PLEKHG1: variants seen among roughly 807,000 people sequenced by gnomAD.
The protein encoded by PLEKHG1 is pleckstrin homology domain-containing family G member 1.
In PLEKHG1, 44 loss-of-function variants were observed where a neutral mutation model predicts 100.8. The observed-to-expected ratio is 0.44, with a 90% CI of 0.34 to 0.56. The LOEUF is 0.56. Among genes scored for constraint, PLEKHG1 ranks in the 20% least tolerant of loss-of-function variants. PLEKHG1 has a pLI of 0.01. For synonymous variants in PLEKHG1, 640 were observed against 662.5 expected (o/e 0.97, Z 0.52); for missense variants, 1,545 against 1,720.9 (o/e 0.90, Z 1.81).
intron 2 of PLEKHG1, among the ~76,000 whole-genome samples, chr6:150,740,129 G>C (rs1405875504): frequency 6.6e-6 from 1 of 152,252 alleles, no homozygotes; most frequent in Non-Finnish European, 1.5e-5. Context: ...ACTCTGCCTG[G>C]ACACTTAGCT....
At chr6:150,605,363 T>C (rs2047001) in intron 1 of PLEKHG1, among the ~76,000 whole-genome samples, 111,926 of 152,146 alleles carry the variant, frequency 0.74, 41,714 homozygotes, top group Non-Finnish European at 0.8. Context: ...TAGTTCTTTG[T>C]TTTCCCACTT....
At chr6:150,807,824 C>T (rs1030309227) in intron 7 of PLEKHG1, among the ~76,000 whole-genome samples, 3 of 152,050 alleles carry the variant, frequency 2.0e-5, no homozygotes, top group African/African-American at 7.2e-5. Context: ...CAAAAATTAA[C>T]CAGGCATGGT....
At chr6:150,807,899 G>A (rs973532726) in intron 7 of PLEKHG1, among the ~76,000 whole-genome samples, 3 of 152,106 alleles carry the variant, frequency 2.0e-5, no homozygotes, top group Non-Finnish European at 4.4e-5. Context: ...AACCCAGGAG[G>A]GAGAGGTTGC....
intron 1 of PLEKHG1, among the ~76,000 whole-genome samples, chr6:150,618,758 G>GT (rs1777170686): frequency 1.3e-5 from 2 of 152,136 alleles, no homozygotes; most frequent in African/African-American, 4.8e-5. Context: ...GCTGGCTCTT[G>GT]TGAGTTGGTA....
rs940688864 is a variant in PLEKHG1, at chr6:150,683,030, G to A, written c.-99+32244G>A. 9.9e-5 allele frequency among the ~76,000 whole-genome samples: 15 copies of A among 152,256 alleles called. No individual in the cohort carries two copies. The highest frequency in any genetic ancestry group is 4.8e-5 in the African/African-American group (2 of 41,530). Reference sequence around the variant, plus strand: ...TGTCATACTTAATGCTGATGGCTTCGTGCGCATCTTAACAGTTGACAACTA... The same window carrying A: ...TGTCATACTTAATGCTGATGGCTTCATGCGCATCTTAACAGTTGACAACTA... On this transcript the variant is annotated intron_variant, in intron 3 of 3. Transcript: ENST00000367326. The surrounding 1 kb of genome is among the most constrained non-coding windows in gnomAD (Gnocchi z 4.0).
chr6:150,649,956 A>G (rs552166798), intron 2 of PLEKHG1, among the ~76,000 whole-genome samples: 280 of 152,046 alleles, frequency 1.8e-3, no homozygotes, highest in African/African-American at 5.7e-3. Flanking sequence ...AGCTTGCAGT[A>G]AGCCGAGATG....
At chr6:150,767,456 T>C (rs1562500473) in intron 2 of PLEKHG1, among the ~76,000 whole-genome samples, 1 of 152,236 alleles carries the variant, frequency 6.6e-6, no homozygotes, top group Non-Finnish European at 1.5e-5. Context: ...GATTTTAGTA[T>C]GAAAGCACTA....
At position 150,832,282 on chromosome 6, in the gene PLEKHG1, C is replaced by T. The variant is rs41289349; in HGVS notation, c.3094+77C>T. On this transcript the variant is annotated intron_variant, in intron 15 of 15. Coordinates refer to ENST00000358517, the Ensembl canonical transcript of PLEKHG1. ...TTTCAGATTTCAGATGTCCTTAAAACGGACACACCTGTGAGAACACTGACA... is the reference window on the plus strand; with the variant it reads ...TTTCAGATTTCAGATGTCCTTAAAATGGACACACCTGTGAGAACACTGACA... 10,530 of 1,198,144 alleles carry T rather than the reference C, an allele frequency of 8.8e-3. 72 individuals carry two copies. The highest frequency in any genetic ancestry group is 0.011 in the Non-Finnish European group (9,591 of 859,838). The allele number at this position is 1,198,144 out of a possible 1,614,324, so 74.2% of individuals were successfully genotyped here.
intron 3 of PLEKHG1, among the ~76,000 whole-genome samples, chr6:150,782,384 A>G (rs758835377): frequency 4.6e-5 from 7 of 152,068 alleles, no homozygotes; most frequent in Non-Finnish European, 1.0e-4. Context: ...GCAGAGCGAG[A>G]CTCTGTCTCA....
chr6:150,621,134 T>A (rs1777282838), intron 1 of PLEKHG1, among the ~76,000 whole-genome samples: 2 of 152,256 alleles, frequency 1.3e-5, no homozygotes, highest in Middle Eastern at 3.4e-3. Context: ...ACTGGCAATG[T>A]GCTTAGAGTG....
intron 15 of PLEKHG1, among the ~76,000 whole-genome samples, chr6:150,834,975 C>A (rs1777147646): frequency 6.6e-6 from 1 of 152,146 alleles, no homozygotes; most frequent in African/African-American, 2.4e-5. Context: ...TATCTGGGCA[C>A]AGGACGTCGT....
chr6:150,651,372 A>T (rs1001945470), intron 3 of PLEKHG1, among the ~76,000 whole-genome samples: 2 of 151,948 alleles, frequency 1.3e-5, no homozygotes, highest in East Asian at 2.0e-4. Flanking sequence ...TAGTTGGGAT[A>T]ACAGGCACGC....
At chr6:150,669,660 G>A (rs1337797354) in intron 3 of PLEKHG1, among the ~76,000 whole-genome samples, 1 of 148,300 alleles carries the variant, frequency 6.7e-6, no homozygotes, top group African/African-American at 2.5e-5. Flanking sequence ...GCAGTTGCGC[G>A]ATCATGCCTC....
intron 3 of PLEKHG1, among the ~76,000 whole-genome samples, chr6:150,688,315 G>GT (rs58023452): frequency 4.9e-4 from 73 of 147,902 alleles, no homozygotes; most frequent in East Asian, 9.9e-4. Context: ...TTCTTCCTTT[G>GT]TTTTTTTTTT....
At chr6:150,835,408 A>G (rs1381234572) in intron 15 of PLEKHG1, among the ~76,000 whole-genome samples, 1 of 152,162 alleles carries the variant, frequency 6.6e-6, no homozygotes, top group African/African-American at 2.4e-5. Context: ...CATCAGAAAC[A>G]TTTATTTTAA....
rs1166400278 is a variant in PLEKHG1, at chr6:150,600,179, A to G, written c.-204+162A>G. 1.3e-5 allele frequency among the ~76,000 whole-genome samples: 2 copies of G among 149,900 alleles called. No homozygotes were observed. The highest frequency in any genetic ancestry group is 6.6e-5 in the Admixed American group (1 of 15,154). On this transcript the variant is annotated intron_variant, in intron 1 of 3. Coordinates refer to the PLEKHG1 transcript ENST00000367326. This position sits in a 1 kb window ranked among gnomAD's most constrained non-coding sequence, Gnocchi z 6.2. ...GCGCGCCCCTCCGCAGTGGGGACGGAGGGCCTTGGGGGGCGCCGAGCGGTG... is the reference window on the plus strand; with the variant it reads ...GCGCGCCCCTCCGCAGTGGGGACGGGGGGCCTTGGGGGGCGCCGAGCGGTG...
chr6:150,607,792 G>A (rs1230307356), intron 1 of PLEKHG1, among the ~76,000 whole-genome samples: 2 of 152,136 alleles, frequency 1.3e-5, no homozygotes, highest in African/African-American at 4.8e-5. Context: ...GGGCTGCCAG[G>A]GTAATGAGAT....
At chr6:150,647,545 T>C (rs1307583007) in intron 2 of PLEKHG1, among the ~76,000 whole-genome samples, 1 of 152,196 alleles carries the variant, frequency 6.6e-6, no homozygotes, top group Non-Finnish European at 1.5e-5. Flanking sequence ...GCTTATAGTG[T>C]AGACTATAAG....
At chr6:150,650,425 T>C (rs1443778186) in intron 2 of PLEKHG1, among the ~76,000 whole-genome samples, 1 of 152,232 alleles carries the variant, frequency 6.6e-6, no homozygotes, top group Non-Finnish European at 1.5e-5. Flanking sequence ...CCTTTTGAAT[T>C]ATCTGAGTAT....
Sources: allele counts gnomAD v4.1 joint callset (sites outside exome capture counted in the v4.1 genomes callset), GRCh38; gene constraint gnomAD v4.1.1; non-coding constraint Gnocchi (gnomAD v3.1); transcripts MANE v1.5; gene names NCBI Gene and HGNC (gene_info 2026-07-23, HGNC 2026-07-21).